TAFA4: variants seen among roughly 807,000 people sequenced by gnomAD.
TAFA4 encodes the protein chemokine-like protein TAFA-4.
Under a neutral mutation model 21.1 loss-of-function variants are expected in TAFA4, and 20 were observed. The ratio of observed to expected loss-of-function variants is 0.95; its 90% CI spans 0.67 to 1.38. TAFA4 has a LOEUF of 1.38. TAFA4 is among the 40% of genes most tolerant of loss of function. The probability of loss-of-function intolerance (pLI) is 0.00; values close to 1 mark genes in which losing one functional copy is unlikely to be tolerated. For synonymous variants in TAFA4, 71 were observed against 67.4 expected (o/e 1.05, Z -0.26); for missense variants, 211 against 180.9 (o/e 1.17, Z -0.95).
At chr3:68,853,699 G>T (rs551621131) in intron 3 of TAFA4, among the ~76,000 whole-genome samples, 1 of 152,158 alleles carries the variant, frequency 6.6e-6, no homozygotes, top group East Asian at 1.9e-4. Flanking sequence ...CTGATTGTCT[G>T]CTAGAGGCAA....
chr3:68,901,398 T>C (rs536722114), intron 1 of TAFA4, among the ~76,000 whole-genome samples: 9 of 152,134 alleles, frequency 5.9e-5, no homozygotes, highest in East Asian at 1.9e-4. Context: ...ATTTCATAGA[T>C]AGGAAGAAAT....
At chr3:68,803,393 G>A (rs1299013469) in intron 3 of TAFA4, among the ~76,000 whole-genome samples, 1 of 152,134 alleles carries the variant, frequency 6.6e-6, no homozygotes, top group African/African-American at 2.4e-5. Context: ...GACATCCACT[G>A]GTCCTTAATT....
chr3:68,774,850 G>A (rs1559516908), intron 3 of TAFA4, among the ~76,000 whole-genome samples: 1 of 152,112 alleles, frequency 6.6e-6, no homozygotes, highest in Non-Finnish European at 1.5e-5. Context: ...TCTGTGAAAA[G>A]GAAATTGTGT....
At chr3:68,843,416 T>A (rs775708235) in intron 3 of TAFA4, among the ~76,000 whole-genome samples, 2 of 152,224 alleles carry the variant, frequency 1.3e-5, no homozygotes, top group Non-Finnish European at 2.9e-5. Flanking sequence ...TTAAGGAGAT[T>A]TTAGGCTGAG....
rs1165072926 is a variant in TAFA4, at chr3:68,779,931, A to G, written c.131-26913T>C. Among the ~76,000 whole-genome samples the G allele has an allele frequency of 2.6e-5, 4 of 152,202 alleles. No individual in the cohort carries two copies. In the South Asian group the frequency reaches 8.3e-4, roughly 32 times the overall value. On this transcript the variant is annotated intron_variant, in intron 3 of 5. Transcript: ENST00000295569. ...AGCTGCAGACACTCAATGCCAGCCCATGAAAGCAGCTGAGAGGAGGGCTAC... is the reference window on the plus strand; with the variant it reads ...AGCTGCAGACACTCAATGCCAGCCCGTGAAAGCAGCTGAGAGGAGGGCTAC...
chr3:68,862,363 G>T (rs2089356061), intron 3 of TAFA4, among the ~76,000 whole-genome samples: 1 of 152,096 alleles, frequency 6.6e-6, no homozygotes, highest in African/African-American at 2.4e-5. Context: ...AAGAATCTAA[G>T]CAATTTATAA....
At chr3:68,917,664 G>A (rs1335553836) in intron 1 of TAFA4, among the ~76,000 whole-genome samples, 1 of 147,754 alleles carries the variant, frequency 6.8e-6, no homozygotes, top group Admixed American at 6.9e-5. Flanking sequence ...TGAGGCAGGA[G>A]AATCACTTGA....
chr3:68,808,833 A>G (rs1208898501), intron 3 of TAFA4, among the ~76,000 whole-genome samples: 1 of 152,238 alleles, frequency 6.6e-6, no homozygotes, highest in Non-Finnish European at 1.5e-5. Context: ...TCAAATGTCT[A>G]CTGAAAATGA....
intron 3 of TAFA4, among the ~76,000 whole-genome samples, chr3:68,848,317 TGGGATGAGAG>T: frequency 6.6e-6 from 1 of 152,194 alleles, no homozygotes; most frequent in African/African-American, 2.4e-5. Context: ...AGGCTAGGCA[TGGGATGAGAG>T]ACAATGAATC....
Position 68,732,334 on chromosome 3 carries a change from G to T in TAFA4, c.*808C>A, listed in dbSNP as rs1702163430. The T allele has an allele frequency of 6.6e-6, 1 of 152,456 alleles. No homozygotes were observed. The highest frequency in any genetic ancestry group is 2.4e-5 in the African/African-American group (1 of 41,404). 9.4% of individuals were successfully genotyped at this position (152,456 alleles called of 1,614,324 possible). On this transcript the variant is annotated 3_prime_UTR_variant, in exon 6 of 6. Coordinates refer to ENST00000295569, the MANE Select transcript of TAFA4 (RefSeq NM_182522.5). ...TAAGAAATAACCCTTGATCTAAATT[G>T]AGATTGTTTTATATTTTAAATGATT...
At chr3:68,827,415 C>A (rs1438484895) in intron 3 of TAFA4, among the ~76,000 whole-genome samples, 1 of 152,030 alleles carries the variant, frequency 6.6e-6, no homozygotes, top group African/African-American at 2.4e-5. Flanking sequence ...ATGGGACTGT[C>A]GGGTCAAATG....
chr3:68,916,102 T>C (rs569529787), intron 1 of TAFA4: 1 of 152,344 alleles, frequency 6.6e-6, no homozygotes, highest in South Asian at 2.1e-4. Flanking sequence ...TGGAATGCTG[T>C]TTAAGAAATG....
chr3:68,811,244 G>C lies in TAFA4; in HGVS notation c.131-58226C>G, dbSNP rs1039649383. Among the ~76,000 whole-genome samples, 30 of 152,272 alleles carry C rather than the reference G, an allele frequency of 2.0e-4. No homozygotes were observed. The East Asian group carries it at 5.0e-3, about 25-fold the overall frequency. ...GGGAAAAAACAGAGCAGAAAAACTGGAAACTCTAAAAATCAGAGTACCTCT... is the reference window on the plus strand; with the variant it reads ...GGGAAAAAACAGAGCAGAAAAACTGCAAACTCTAAAAATCAGAGTACCTCT... On this transcript the variant is annotated intron_variant, in intron 3 of 5. Coordinates refer to ENST00000295569, the MANE Select transcript of TAFA4 (RefSeq NM_182522.5).
At chr3:68,919,341 A>G (rs998191328) in intron 1 of TAFA4, among the ~76,000 whole-genome samples, 2 of 152,158 alleles carry the variant, frequency 1.3e-5, no homozygotes, top group Admixed American at 6.5e-5. Context: ...ATAAATCTTA[A>G]TGACATCGTC....
intron 3 of TAFA4, among the ~76,000 whole-genome samples, chr3:68,869,560 T>G (rs886336550): frequency 1.3e-5 from 2 of 152,026 alleles, no homozygotes; most frequent in African/African-American, 4.8e-5. Flanking sequence ...GTTCAACATA[T>G]GCAAATCAAT....
At chr3:68,785,013 G>C (rs1283528013) in intron 3 of TAFA4, among the ~76,000 whole-genome samples, 5 of 151,978 alleles carry the variant, frequency 3.3e-5, no homozygotes, top group African/African-American at 1.2e-4. Flanking sequence ...GATACAGAGT[G>C]CCGATTGGTG....
At chr3:68,873,264 A>G (rs1031958787) in intron 3 of TAFA4, among the ~76,000 whole-genome samples, 1 of 145,484 alleles carries the variant, frequency 6.9e-6, no homozygotes, top group Non-Finnish European at 1.5e-5. Flanking sequence ...AAACAACGTC[A>G]TACTTGTTTT....
intron 1 of TAFA4, among the ~76,000 whole-genome samples, chr3:68,912,584 A>G (rs998529507): frequency 3.9e-5 from 6 of 152,232 alleles, no homozygotes; most frequent in Admixed American, 1.3e-4. Context: ...CATGCCGTTA[A>G]TCAAGTCTTA....
chr3:68,804,322 A>T (rs1376763139), intron 3 of TAFA4, among the ~76,000 whole-genome samples: 2 of 152,212 alleles, frequency 1.3e-5, no homozygotes, highest in Non-Finnish European at 2.9e-5. Context: ...ATGGAAGAAC[A>T]TTCCATGCTC....
Sources: allele counts gnomAD v4.1 joint callset (sites outside exome capture counted in the v4.1 genomes callset), GRCh38; gene constraint gnomAD v4.1.1; transcripts MANE v1.5; gene names NCBI Gene and HGNC (gene_info 2026-07-23, HGNC 2026-07-21).